The following SLC66A3 variants were observed in gnomAD, a reference collection of about 807,000 sequenced individuals.
The protein encoded by SLC66A3 is solute carrier family 66 member 3.
A neutral mutation model predicts 25.5 loss-of-function variants in SLC66A3; 23 were observed. The ratio of observed to expected loss-of-function variants is 0.90; its 90% CI spans 0.65 to 1.28. SLC66A3 has a LOEUF of 1.28. Ranked by LOEUF, SLC66A3 falls within the 50% of genes most tolerant of loss-of-function variation. The pLI, the probability that SLC66A3 is intolerant of heterozygous loss-of-function variation, is 0.00. For synonymous variants in SLC66A3, 108 were observed against 112.6 expected (o/e 0.96, Z 0.26); for missense variants, 246 against 262.1 (o/e 0.94, Z 0.42).
rs1032592175 is a variant in SLC66A3, at chr2:11,178,125, C to A, written c.*297C>A. The stretch of plus-strand genomic sequence containing the variant: ...CATTTTGAGGCCATTTTGAGCCTTA[C>A]TCTTAAGTTCTCTATGAAGAACTAC... On this transcript the variant is annotated 3_prime_UTR_variant, in exon 7 of 7. Transcript: ENST00000295083. The A allele has an allele frequency of 4.3e-5, 10 of 229,942 alleles. No homozygotes were observed. Among genetic ancestry groups the A allele is most frequent in the Non-Finnish European group, 8.4e-5 (10 of 119,364 alleles). The allele number at this position is 229,942 out of a possible 1,614,324, so 14.2% of individuals were successfully genotyped here.
At chr2:11,164,070 C>G (rs908159520) in intron 3 of SLC66A3, 134 bp from the exon 4 acceptor site, 3 of 566,602 alleles carry the variant, frequency 5.3e-6, no homozygotes, top group Non-Finnish European at 9.5e-6. Context: ...CCGGCAGGTT[C>G]TGGTAGCATG....
In SLC66A3 at chr2:11,178,004, A is replaced by AATT; in HGVS notation, c.*177_*179dup. 1 of 572,282 alleles carries AATT rather than the reference A, an allele frequency of 1.7e-6. No homozygotes were observed. The highest frequency in any genetic ancestry group is 3.1e-6 in the Non-Finnish European group (1 of 325,470). 35.5% of individuals were successfully genotyped at this position (572,282 alleles called of 1,614,324 possible). A position where few individuals can be genotyped will look rare whatever the true frequency, so the allele number is the denominator to read the frequency against. On this transcript the variant is annotated 3_prime_UTR_variant, in exon 7 of 7. Coordinates refer to ENST00000295083, the MANE Select transcript of SLC66A3 (RefSeq NM_152391.5). The stretch of plus-strand genomic sequence containing the variant: ...ACTTAAATTCTTGTTTAAAAATACC[A>AATT]ATTTGCCTCCTCCTTCCTCACTTCG...
intron 5 of SLC66A3, among the ~76,000 whole-genome samples, chr2:11,174,177 C>T (rs1249903833): frequency 6.6e-6 from 1 of 152,060 alleles, no homozygotes; most frequent in African/African-American, 2.4e-5. Context: ...AGGCTGGTCT[C>T]GAACTTCTGA....
In SLC66A3 at chr2:11,164,345, A is replaced by ATATTT; in HGVS notation, c.354+85_354+86insATTTT. On this transcript the variant is annotated intron_variant, in intron 4 of 6. Coordinates refer to ENST00000295083, the MANE Select transcript of SLC66A3 (RefSeq NM_152391.5). ...TAGATATTTATATATATATATATATATTTTTTTTTTTTTGAAATGGAGTTT... is the reference window on the plus strand; with the variant it reads ...TAGATATTTATATATATATATATATATATTTTTTTTTTTTTTTTGAAATGGAGTTT... The ATATTT allele has an allele frequency of 4.3e-3, 398 of 92,706 alleles. 2 individuals carry two copies. The highest frequency in any genetic ancestry group is 0.01 in the Middle Eastern group (2 of 200). 5.7% of individuals were successfully genotyped at this position (92,706 alleles called of 1,614,324 possible). A position where few individuals can be genotyped will look rare whatever the true frequency, so the allele number is the denominator to read the frequency against.
At chr2:11,160,898 C>T in intron 3 of SLC66A3, 1 of 834,306 alleles carries the variant, frequency 1.2e-6, no homozygotes, top group Non-Finnish European at 1.8e-6. Context: ...GACCAGCATG[C>T]CCTGGGCGGT....
chr2:11,177,474 G>T (rs10432407), intron 6 of SLC66A3, among the ~76,000 whole-genome samples: 32,176 of 149,500 alleles, frequency 0.22, 4,335 homozygotes, highest in East Asian at 0.54. Flanking sequence ...AAAAAAAAAA[G>T]TTAAAAGTTA....
chr2:11,157,489 C>T (rs1661948042), intron 1 of SLC66A3, among the ~76,000 whole-genome samples: 1 of 152,200 alleles, frequency 6.6e-6, no homozygotes, highest in Non-Finnish European at 1.5e-5. Flanking sequence ...CTCCCTCATG[C>T]CCTTCCCAGC....
chr2:11,175,739 T>C (rs1662716689), intron 6 of SLC66A3, among the ~76,000 whole-genome samples: 1 of 152,326 alleles, frequency 6.6e-6, no homozygotes, highest in East Asian at 1.9e-4. Flanking sequence ...CACAAAAGAA[T>C]TTAGTAATTC....
At chr2:11,165,639 C>T (rs1391551697) in intron 4 of SLC66A3, among the ~76,000 whole-genome samples, 4 of 152,350 alleles carry the variant, frequency 2.6e-5, no homozygotes, top group East Asian at 3.9e-4. Context: ...GCTGCAATCT[C>T]GGCACTTTGG....
intron 4 of SLC66A3, among the ~76,000 whole-genome samples, chr2:11,166,581 GT>G (rs748748043): frequency 4.6e-5 from 7 of 152,146 alleles, no homozygotes; most frequent in South Asian, 2.1e-4. Context: ...CACTTTTTCA[GT>G]ACGTGTATGT....
chr2:11,169,874 C>G (rs1572191093), intron 4 of SLC66A3, among the ~76,000 whole-genome samples: 1 of 117,546 alleles, frequency 8.5e-6, no homozygotes, highest in Admixed American at 1.1e-4. Flanking sequence ...GAGTCTTGCT[C>G]TGTCACCAGG....
rs187737584 is a variant in SLC66A3, at chr2:11,160,288, G to A, written c.144-178G>A. 7.8e-6 allele frequency: 5 copies of A among 637,222 alleles called. No homozygotes were observed. The African/African-American group carries it at 9.0e-5, about 12-fold the overall frequency. The allele number at this position is 637,222 out of a possible 1,614,324, so 39.5% of individuals were successfully genotyped here. A position where few individuals can be genotyped will look rare whatever the true frequency, so the allele number is the denominator to read the frequency against. ...GTAAGTTCTGGATGCTCCAAAAATT[G>A]TACAGATGATTCAACTGAATTCCAT... On this transcript the variant is annotated intron_variant, in intron 1 of 6. Coordinates refer to ENST00000295083, the MANE Select transcript of SLC66A3 (RefSeq NM_152391.5).
intron 1 of SLC66A3, 74 bp downstream of exon 1, chr2:11,155,763 C>G: frequency 1.1e-5 from 14 of 1,271,658 alleles, no homozygotes; most frequent in Non-Finnish European, 1.4e-5. Context: ...AGGAGAGCCT[C>G]GGCTCGAAGT....
rs541806283 is a variant in SLC66A3, at chr2:11,164,345, A to ATT, written c.354+96_354+97dup. 2.9e-3 allele frequency: 270 copies of ATT among 92,644 alleles called. 4 individuals are homozygous for ATT. The highest frequency in any genetic ancestry group is 0.01 in the East Asian group (19 of 1,818). 5.7% of individuals were successfully genotyped at this position (92,644 alleles called of 1,614,324 possible). ...TAGATATTTATATATATATATATATATTTTTTTTTTTTTGAAATGGAGTTT... is the reference window on the plus strand; with the variant it reads ...TAGATATTTATATATATATATATATATTTTTTTTTTTTTTTGAAATGGAGTTT... On this transcript the variant is annotated intron_variant, in intron 4 of 6. Coordinates refer to ENST00000295083, the MANE Select transcript of SLC66A3 (RefSeq NM_152391.5).
In SLC66A3 at chr2:11,165,285, G is replaced by GT. The variant is rs1662288618; in HGVS notation, c.354+1024_354+1025insT. Among the ~76,000 whole-genome samples, 4 of 131,902 alleles carry GT rather than the reference G, an allele frequency of 3.0e-5. No individual in the cohort carries two copies. The South Asian group carries it at 8.6e-4, about 28-fold the overall frequency. The allele number at this position is 131,902 out of a possible 152,430, so 86.5% of individuals were successfully genotyped here. A position where few individuals can be genotyped will look rare whatever the true frequency, so the allele number is the denominator to read the frequency against. ...CAGAGGGGCGGCTGCCGGGCAGAGG[G>GT]GCTCCTCACTTCTCAGACTGGGCGG... On this transcript the variant is annotated intron_variant, in intron 4 of 6. Coordinates refer to ENST00000295083, the MANE Select transcript of SLC66A3 (RefSeq NM_152391.5).
chr2:11,176,807 C>T (rs1308832599), intron 6 of SLC66A3, among the ~76,000 whole-genome samples: 3 of 151,836 alleles, frequency 2.0e-5, no homozygotes, highest in African/African-American at 4.8e-5. Flanking sequence ...GGATTACAGG[C>T]GTGAGCCACC....
At chr2:11,175,835 C>A (rs1306195108) in intron 6 of SLC66A3, among the ~76,000 whole-genome samples, 2 of 152,172 alleles carry the variant, frequency 1.3e-5, no homozygotes, top group Non-Finnish European at 2.9e-5. Context: ...CTGTGAAGAT[C>A]AGAAAATGTC....
chr2:11,177,362 A>T (rs2148006443), intron 6 of SLC66A3, among the ~76,000 whole-genome samples: 1 of 151,844 alleles, frequency 6.6e-6, no homozygotes, highest in South Asian at 2.1e-4. Flanking sequence ...TGGGGAGCTG[A>T]GGCGGGAGAA....
chr2:11,177,690 T>G, intron 6 of SLC66A3, 47 bp from the exon 7 acceptor site: 1 of 1,236,966 alleles, frequency 8.1e-7, no homozygotes, highest in Non-Finnish European at 1.2e-6. Flanking sequence ...GTGGTTTTGG[T>G]CTGTATTGTA....
Sources: allele counts gnomAD v4.1 joint callset (sites outside exome capture counted in the v4.1 genomes callset), GRCh38; gene constraint gnomAD v4.1.1; transcripts MANE v1.5; gene names NCBI Gene and HGNC (gene_info 2026-07-23, HGNC 2026-07-21).